The following CCDC124 variants were observed in gnomAD, a reference collection of about 807,000 sequenced individuals.
The protein encoded by CCDC124 is coiled-coil domain-containing protein 124.
CCDC124 carries 9 observed loss-of-function variants against 19.8 expected under a neutral mutation model. The ratio of observed to expected loss-of-function variants is 0.45; its 90% CI spans 0.27 to 0.79. The LOEUF (loss-of-function observed/expected upper bound fraction) is 0.79. CCDC124 is among the 30% of genes least tolerant of loss of function. CCDC124 has a pLI of 0.14. For synonymous variants in CCDC124, 126 were observed against 131.3 expected (o/e 0.96, Z 0.27); for missense variants, 285 against 319.0 (o/e 0.89, Z 0.81).
intron 2 of CCDC124, among the ~76,000 whole-genome samples, chr19:17,940,844 G>A (rs955585849): frequency 5.3e-5 from 8 of 150,076 alleles, no homozygotes; most frequent in Non-Finnish European, 1.0e-4. Context: ...TCAGGAGATC[G>A]AGACCATCCT....
Position 17,943,242 on chromosome 19 carries a change from C to CTGGGG in CCDC124, c.350-19_350-18insTGGGG. On this transcript the variant is annotated intron_variant, in intron 3 of 4. Transcript: ENST00000445755. Reference sequence around the variant, plus strand: ...TTTGCTTATCTCTCTCTGTCTCTGTCACCCACCCACCCGCCCAGCCGAGAA... The same window carrying CTGGGG: ...TTTGCTTATCTCTCTCTGTCTCTGTCTGGGGACCCACCCACCCGCCCAGCCGAGAA... 36 of 734,496 alleles carry CTGGGG rather than the reference C, an allele frequency of 4.9e-5. No individual in the cohort carries two copies. Among genetic ancestry groups the CTGGGG allele is most frequent in the Non-Finnish European group, 6.2e-5 (26 of 419,528 alleles). The allele number at this position is 734,496 out of a possible 1,614,324, so 45.5% of individuals were successfully genotyped here.
chr19:17,941,429 T>C (rs1199399736), intron 2 of CCDC124, among the ~76,000 whole-genome samples: 2 of 151,152 alleles, frequency 1.3e-5, no homozygotes, highest in Non-Finnish European at 2.9e-5. Context: ...TGAGAATTGC[T>C]TGAACTCGGG....
chr19:17,943,460 G>T lies in CCDC124; in HGVS notation c.465-48G>T, dbSNP rs2302174. ...ACCTGGGGGCGGGGCCGGGCTTTTCGGGGCAAGGCTGCGCCCAAGGCCCCC... is the reference window on the plus strand; with the variant it reads ...ACCTGGGGGCGGGGCCGGGCTTTTCTGGGCAAGGCTGCGCCCAAGGCCCCC... On this transcript the variant is annotated intron_variant, in intron 4 of 4. Transcript: ENST00000445755. 1,357 of 1,588,012 alleles carry T rather than the reference G, an allele frequency of 8.5e-4. 16 individuals are homozygous for T. In the East Asian group the frequency reaches 0.025, roughly 29 times the overall value.
rs779814220 is a variant in CCDC124 at position 17,943,374 on chromosome 19, A to C, written c.463A>C (p.Ser155Arg). The stretch of plus-strand genomic sequence containing the variant: ...CATCGAGGACGCCATTGCAGTGCTC[A>C]GGTAACGGGGCGGGGCCTGGGGCTT... The part of the protein sequence containing the change: ...RTIEDAIAVL[S>R]VAEEAADRHP... Residue 155 changes from serine (S) to arginine (R), a missense_variant and splice_region_variant, in exon 4 of 5, where the codon AGC becomes CGC. Transcript: ENST00000445755. 1.3e-6 allele frequency: 2 copies of C among 1,512,920 alleles called. No individual in the cohort carries two copies. Among genetic ancestry groups the C allele is most frequent in the Non-Finnish European group, 1.8e-6 (2 of 1,128,434 alleles). 93.7% of individuals were successfully genotyped at this position (1,512,920 alleles called of 1,614,324 possible). A position where few individuals can be genotyped will look rare whatever the true frequency, so the allele number is the denominator to read the frequency against.
chr19:17,943,264 A>T lies in CCDC124; in HGVS notation c.353A>T (p.Glu118Val). The T allele has an allele frequency of 9.2e-6, 3 of 325,242 alleles. No homozygotes were observed. The highest frequency in any genetic ancestry group is 6.0e-5 in the South Asian group (3 of 50,272). The allele number at this position is 325,242 out of a possible 1,614,324, so 20.1% of individuals were successfully genotyped here. Residue 118 changes from glutamate (E) to valine (V), a missense_variant, in exon 4 of 5, where the codon GAG becomes GTG. By Grantham distance (121) the Glu-to-Val change is moderately radical. Transcript: ENST00000445755. ...HQLREAPDTA[E>V]KAKSHLEVPL... Reference sequence around the variant, plus strand: ...TGTCACCCACCCACCCGCCCAGCCGAGAAAGCCAAGAGCCATCTGGAGGTG... The same window carrying T: ...TGTCACCCACCCACCCGCCCAGCCGTGAAAGCCAAGAGCCATCTGGAGGTG...
At chr19:17,940,769 C>T (rs937218727) in intron 2 of CCDC124, among the ~76,000 whole-genome samples, 11 of 147,390 alleles carry the variant, frequency 7.5e-5, no homozygotes, top group Admixed American at 2.7e-4. Flanking sequence ...AAAAAAGGGC[C>T]GGGCGCGGTA....
chr19:17,933,291 G>C (rs919400574), intron 1 of CCDC124, among the ~76,000 whole-genome samples: 4 of 152,248 alleles, frequency 2.6e-5, no homozygotes, highest in Non-Finnish European at 5.9e-5. Flanking sequence ...CCCCTAGGCA[G>C]CTTCTGGTCT....
At chr19:17,937,812 C>T (rs1319067424) in intron 2 of CCDC124, among the ~76,000 whole-genome samples, 1 of 152,166 alleles carries the variant, frequency 6.6e-6, no homozygotes, top group Non-Finnish European at 1.5e-5. Context: ...CAGTTCACCG[C>T]AACCTTTGCC....
rs1312224699 is a variant in CCDC124, at chr19:17,933,028, G to A, written c.-32G>A. 6.6e-6 allele frequency: 1 copy of A among 152,328 alleles called. No individual in the cohort carries two copies. Among genetic ancestry groups the A allele is most frequent in the East Asian group, 1.9e-4 (1 of 5,194 alleles). The allele number at this position is 152,328 out of a possible 1,614,324, so 9.4% of individuals were successfully genotyped here. ...TGATGACGTCACGGAGGCGCGACCG[G>A]GCCGGCGCTGGGGTAAGAAGGTAGG... is the stretch of plus-strand genomic sequence containing the variant. On this transcript the variant is annotated 5_prime_UTR_variant, in exon 1 of 5. Coordinates refer to ENST00000445755, the MANE Select transcript of CCDC124 (RefSeq NM_001136203.2).
chr19:17,943,258 C>CCCCCCCA lies in CCDC124; in HGVS notation c.350-3_350-2insCCCCCCA. 6.6e-7 allele frequency: 1 copy of CCCCCCCA among 1,515,990 alleles called. No homozygotes were observed. Among genetic ancestry groups the CCCCCCCA allele is most frequent in the South Asian group, 1.2e-5 (1 of 83,374 alleles). 93.9% of individuals were successfully genotyped at this position (1,515,990 alleles called of 1,614,324 possible). ...TGTCTCTGTCACCCACCCACCCGCC[C>CCCCCCCA]AGCCGAGAAAGCCAAGAGCCATCTG... On this transcript the variant is annotated splice_polypyrimidine_tract_variant and splice_region_variant and intron_variant, in intron 3 of 4. Transcript: ENST00000445755.
In CCDC124 at chr19:17,936,373, C is replaced by T. The variant is rs367638931; in HGVS notation, c.-11-37C>T. The T allele has an allele frequency of 2.0e-4, 318 of 1,551,832 alleles. 2 individuals carry two copies. The African/African-American group carries it at 3.7e-3, about 18-fold the overall frequency. ...GGGTGCTGAGTGCCGATGTCCCCTC[C>T]GGCCCCTGCTCCCCCATCCCCATCC... On this transcript the variant is annotated intron_variant, in intron 1 of 4. Coordinates refer to ENST00000445755, the MANE Select transcript of CCDC124 (RefSeq NM_001136203.2).
chr19:17,943,241 TCACCCACC>T lies in CCDC124; in HGVS notation c.350-14_350-7del. ...CTTTGCTTATCTCTCTCTGTCTCTG[TCACCCACC>T]CACCCGCCCAGCCGAGAAAGCCAAG... On this transcript the variant is annotated splice_polypyrimidine_tract_variant and intron_variant, in intron 3 of 4. Coordinates refer to ENST00000445755, the MANE Select transcript of CCDC124 (RefSeq NM_001136203.2). The T allele has an allele frequency of 4.1e-6, 3 of 736,676 alleles. No homozygotes were observed. The highest frequency in any genetic ancestry group is 7.2e-6 in the Non-Finnish European group (3 of 414,968). The allele number at this position is 736,676 out of a possible 1,614,324, so 45.6% of individuals were successfully genotyped here.
rs2031206346 is a variant in CCDC124 at position 17,942,539 on chromosome 19, C to G, written c.160-117C>G. On this transcript the variant is annotated intron_variant, in intron 2 of 4. Coordinates refer to ENST00000445755, the MANE Select transcript of CCDC124 (RefSeq NM_001136203.2). This position sits in a 1 kb window ranked among gnomAD's most constrained non-coding sequence, Gnocchi z 4.2. ...ACCTATCTTGTTCCTGGTATGTCCC[C>G]TGCACCCAGCACAGAGCCTAAATCC... is the stretch of plus-strand genomic sequence containing the variant. The G allele has an allele frequency of 1.4e-5, 17 of 1,200,878 alleles. No individual in the cohort carries two copies. In the South Asian group the frequency reaches 2.4e-4, roughly 17 times the overall value. 74.4% of individuals were successfully genotyped at this position (1,200,878 alleles called of 1,614,324 possible). A position where few individuals can be genotyped will look rare whatever the true frequency, so the allele number is the denominator to read the frequency against.
rs565578267 is a variant in CCDC124, at chr19:17,941,058, C to T, written c.160-1598C>T. On this transcript the variant is annotated intron_variant, in intron 2 of 4. Transcript: ENST00000445755. ...CAAGGTTCCGTCTCGAAAAAACAAACGAACGAAAAAAACACAAAAAACCTT... is the reference window on the plus strand; with the variant it reads ...CAAGGTTCCGTCTCGAAAAAACAAATGAACGAAAAAAACACAAAAAACCTT... Among the ~76,000 whole-genome samples the T allele has an allele frequency of 9.2e-5, 14 of 151,558 alleles. No individual in the cohort carries two copies. The East Asian group carries it at 2.6e-3, about 28-fold the overall frequency.
chr19:17,943,331 C>G lies in CCDC124; in HGVS notation c.420C>G (p.Gly140=). ...ENVNRRVLEE[G]SVEARTIEDA... ...TGAACCGCCGCGTGCTGGAGGAGGG[C>G]AGCGTGGAGGCGCGCACCATCGAGG... Residue 140 remains glycine, a synonymous_variant, in exon 4 of 5, where the codon GGC becomes GGG. Coordinates refer to ENST00000445755, the MANE Select transcript of CCDC124 (RefSeq NM_001136203.2). The G allele has an allele frequency of 7.5e-7, 1 of 1,334,724 alleles. No individual in the cohort carries two copies. Among genetic ancestry groups the G allele is most frequent in the South Asian group, 1.2e-5 (1 of 84,828 alleles). The allele number at this position is 1,334,724 out of a possible 1,614,324, so 82.7% of individuals were successfully genotyped here.
chr19:17,934,637 G>A (rs1257753664), intron 1 of CCDC124, among the ~76,000 whole-genome samples: 1 of 116,096 alleles, frequency 8.6e-6, no homozygotes, highest in African/African-American at 3.2e-5. Flanking sequence ...AAAAAAAAAA[G>A]CTAGGCATGG....
In CCDC124 at chr19:17,943,336, T is replaced by A. The variant is rs1325384507; in HGVS notation, c.425T>A (p.Val142Glu). ...VNRRVLEEGS[V>E]EARTIEDAIA... Reference sequence around the variant, plus strand: ...CGCCGCGTGCTGGAGGAGGGCAGCGTGGAGGCGCGCACCATCGAGGACGCC... The same window carrying A: ...CGCCGCGTGCTGGAGGAGGGCAGCGAGGAGGCGCGCACCATCGAGGACGCC... The change falls in exon 4 of 5, where the codon GTG (valine) becomes GAG (glutamate). Residue 142 changes from valine (V) to glutamate (E), a missense_variant. Physicochemically the swap from Val to Glu is moderately radical, Grantham distance 121 (BLOSUM62 -2). Coordinates refer to ENST00000445755, the MANE Select transcript of CCDC124 (RefSeq NM_001136203.2). The A allele has an allele frequency of 2.1e-6, 3 of 1,398,186 alleles. No homozygotes were observed. Among genetic ancestry groups the A allele is most frequent in the African/African-American group, 1.6e-5 (1 of 60,706 alleles). The allele number at this position is 1,398,186 out of a possible 1,614,324, so 86.6% of individuals were successfully genotyped here.
chr19:17,935,320 G>C (rs1350100984), intron 1 of CCDC124: 1 of 152,486 alleles, frequency 6.6e-6, no homozygotes, highest in Non-Finnish European at 1.5e-5. Context: ...GGGAGTGACT[G>C]CTGATGGTGA....
intron 2 of CCDC124, among the ~76,000 whole-genome samples, chr19:17,937,962 A>G (rs1014968449): frequency 2.0e-5 from 3 of 152,006 alleles, no homozygotes; most frequent in Non-Finnish European, 4.4e-5. Flanking sequence ...CGAACTCCCA[A>G]CCTCAGGTGA....
Sources: gnomAD v4.1 joint callset for allele counts (sites outside exome capture counted in the v4.1 genomes callset) on GRCh38, gnomAD v4.1.1 for gene constraint, Gnocchi (gnomAD v3.1) non-coding constraint, MANE v1.5 for transcripts, NCBI Gene and HGNC (gene_info 2026-07-23, HGNC 2026-07-21) for gene names.